The following CACNA2D4 variants were observed in gnomAD, a reference collection of about 807,000 sequenced individuals.
CACNA2D4 encodes the protein calcium voltage-gated channel auxiliary subunit alpha2delta 4.
CACNA2D4 carries 157 observed loss-of-function variants against 163.8 expected under a neutral mutation model. The ratio of observed to expected loss-of-function variants is 0.96; its 90% CI spans 0.84 to 1.09. The LOEUF (loss-of-function observed/expected upper bound fraction) is 1.09, where lower values mean the gene tolerates loss of function less well. Ranked by LOEUF, CACNA2D4 falls within the 50% of genes least tolerant of loss-of-function variation. CACNA2D4 has a pLI of 0.00. For missense variants in CACNA2D4, 1,410 were observed against 1,479.9 expected (o/e 0.95, Z 0.78); for synonymous variants, 598 against 586.9 (o/e 1.02, Z -0.27).
chr12:1,916,591 G>A (rs1866988266), intron 1 of CACNA2D4, among the ~76,000 whole-genome samples: 1 of 149,960 alleles, frequency 6.7e-6, no homozygotes, highest in South Asian at 2.1e-4. Context: ...AGGAGCACTT[G>A]AGGACAGCAG....
chr12:1,823,654 C>T (rs1184496535), intron 26 of CACNA2D4, among the ~76,000 whole-genome samples: 1 of 152,062 alleles, frequency 6.6e-6, no homozygotes, highest in African/African-American at 2.4e-5. Flanking sequence ...CTAGAAAGCC[C>T]CCCACCTTCC....
chr12:1,886,168 G>A, intron 8 of CACNA2D4, 55 bp downstream of exon 8: 1 of 1,593,930 alleles, frequency 6.3e-7, no homozygotes, highest in Non-Finnish European at 8.6e-7. Flanking sequence ...CTTGGTACCT[G>A]TGTATGATTT....
intron 26 of CACNA2D4, among the ~76,000 whole-genome samples, chr12:1,830,075 C>T (rs930060184): frequency 2.7e-4 from 41 of 152,370 alleles, no homozygotes; most frequent in Middle Eastern, 3.4e-3. Context: ...GACCAGGAAA[C>T]GAATTCTATT....
rs1458308005 is a variant in CACNA2D4, at chr12:1,834,762, G to C, written c.2551+5977C>G. ...CGGCCAGGTAGGAAGGGCGGGGAGA[G>C]CACACGGCATTGCTCAGCCACAGCT... is the stretch of plus-strand genomic sequence containing the variant. On this transcript the variant is annotated intron_variant, in intron 26 of 37. Coordinates refer to ENST00000382722, the MANE Select transcript of CACNA2D4 (RefSeq NM_172364.5). The surrounding 1 kb of genome is among the most constrained non-coding windows in gnomAD (Gnocchi z 7.6). 1.9e-6 allele frequency: 3 copies of C among 1,542,326 alleles called. No individual in the cohort carries two copies. Among genetic ancestry groups the C allele is most frequent in the African/African-American group, 2.7e-5 (2 of 73,534 alleles).
intron 6 of CACNA2D4, among the ~76,000 whole-genome samples, chr12:1,891,171 C>T (rs1043117241): frequency 1.3e-5 from 2 of 152,196 alleles, no homozygotes; most frequent in African/African-American, 4.8e-5. Flanking sequence ...GTACACCTCC[C>T]TGGGACCCAA....
rs369114604 is a variant in CACNA2D4 at position 1,854,063 on chromosome 12, G to A, written c.2153-19C>T. On this transcript the variant is annotated intron_variant, in intron 22 of 37. Coordinates refer to ENST00000382722, the MANE Select transcript of CACNA2D4 (RefSeq NM_172364.5). ...TCGTCACCTGGGTGCAAAACATCAGGGAACCAGGCCACATGCTTCCTCCAT... is the reference window on the plus strand; with the variant it reads ...TCGTCACCTGGGTGCAAAACATCAGAGAACCAGGCCACATGCTTCCTCCAT... 1.3e-5 allele frequency: 21 copies of A among 1,585,916 alleles called. No individual in the cohort carries two copies. The African/African-American group carries it at 2.4e-4, about 18-fold the overall frequency.
At position 1,844,863 on chromosome 12, in the gene CACNA2D4, G is replaced by T. The variant is rs1865109012; in HGVS notation, c.2343-334C>A. ...TGGCTCGTTGGCACGTCTGAGGGAG[G>T]AAGCTGTAGTCAGCTCTATCACTGC... is the stretch of plus-strand genomic sequence containing the variant. On this transcript the variant is annotated intron_variant, in intron 24 of 37. Coordinates refer to ENST00000382722, the MANE Select transcript of CACNA2D4 (RefSeq NM_172364.5). This position sits in a 1 kb window ranked among gnomAD's most constrained non-coding sequence, Gnocchi z 4.2. 6.6e-6 allele frequency among the ~76,000 whole-genome samples: 1 copy of T among 152,186 alleles called. No individual in the cohort carries two copies. The highest frequency in any genetic ancestry group is 2.4e-5 in the African/African-American group (1 of 41,436).
intron 23 of CACNA2D4, among the ~76,000 whole-genome samples, chr12:1,851,686 T>C (rs940450163): frequency 6.5e-5 from 8 of 122,208 alleles, no homozygotes; most frequent in African/African-American, 2.6e-4. Flanking sequence ...TGCGTTTTTT[T>C]TTTTTTTTTC....
rs113282300 is a variant in CACNA2D4 at position 1,907,671 on chromosome 12, T to C, written c.650-100A>G. The C allele has an allele frequency of 1.3e-4, 142 of 1,085,620 alleles. 2 individuals carry two copies. The highest frequency in any genetic ancestry group is 3.1e-5 in the East Asian group (1 of 32,332). 67.2% of individuals were successfully genotyped at this position (1,085,620 alleles called of 1,614,324 possible). On this transcript the variant is annotated intron_variant, in intron 5 of 37. Transcript: ENST00000382722. Reference sequence around the variant, plus strand: ...CTGGTGGGCGTGTCTGGTGGGCGTGTCTGGTAAGCGTGCCTGGTGGGTGTG... The same window carrying C: ...CTGGTGGGCGTGTCTGGTGGGCGTGCCTGGTAAGCGTGCCTGGTGGGTGTG...
chr12:1,825,843 C>CT (rs398116022), intron 26 of CACNA2D4, among the ~76,000 whole-genome samples: 12 of 152,072 alleles, frequency 7.9e-5, no homozygotes, highest in Admixed American at 2.0e-4. Context: ...AATCCAGTCC[C>CT]GGACTTACCA....
chr12:1,859,648 A>T (rs959640145), intron 19 of CACNA2D4, among the ~76,000 whole-genome samples: 13 of 152,202 alleles, frequency 8.5e-5, no homozygotes, highest in Admixed American at 7.2e-4. Flanking sequence ...TGTCACCCCC[A>T]TTTTACAGAT....
intron 37 of CACNA2D4, among the ~76,000 whole-genome samples, chr12:1,794,664 G>A (rs973808396): frequency 1.3e-5 from 2 of 152,158 alleles, no homozygotes; most frequent in African/African-American, 4.8e-5. Flanking sequence ...CAGGTCAGGC[G>A]GCTGAGTGGA....
intron 28 of CACNA2D4, 95 bp downstream of exon 28, chr12:1,810,448 G>A: frequency 6.6e-7 from 1 of 1,518,412 alleles, no homozygotes; most frequent in Non-Finnish European, 9.0e-7. Context: ...CTGCAGGGAA[G>A]GAGGGCATTT....
intron 6 of CACNA2D4, among the ~76,000 whole-genome samples, chr12:1,901,913 A>G (rs1179508234): frequency 6.6e-6 from 1 of 152,070 alleles, no homozygotes; most frequent in Non-Finnish European, 1.5e-5. Context: ...AACCAACCAA[A>G]CAAAAAACCT....
At position 1,793,736 on chromosome 12, in the gene CACNA2D4, G is replaced by A. The variant is rs888475177; in HGVS notation, c.3333C>T (p.Gly1111=). The A allele has an allele frequency of 1.1e-5, 18 of 1,613,018 alleles. No individual in the cohort carries two copies. Among genetic ancestry groups the A allele is most frequent in the East Asian group, 2.2e-5 (1 of 44,888 alleles). The change falls in exon 38 of 38, where the codon GGC becomes GGT. Residue 1111 remains glycine (G), a synonymous_variant. Coordinates refer to ENST00000382722, the MANE Select transcript of CACNA2D4 (RefSeq NM_172364.5). ...GCGGCGAGGCTGAGGTGTCCGAGGC[G>A]CCGCCGCAGTCCTGGGCATTCTCCT... ...HPEENAQDCG[G]ASDTSASPPL... is the part of the protein sequence containing the mutation.
chr12:1,907,880 T>C lies in CACNA2D4; in HGVS notation c.644A>G (p.Asn215Ser). 6.2e-7 allele frequency: 1 copy of C among 1,613,968 alleles called. No individual in the cohort carries two copies. The highest frequency in any genetic ancestry group is 8.5e-7 in the Non-Finnish European group (1 of 1,179,874). Residue 215 changes from asparagine (N) to serine (S), a missense_variant, in exon 5 of 38, where the codon AAC becomes AGC. Asn to Ser is a conservative substitution (Grantham distance 46). Transcript: ENST00000382722. ...GAGCTGAGCGTGCCGGCTACCTTTG[T>C]TGTACACGTTGGTGGGCAGCTGCAC... ...SSVQLPTNVYNKDPDILNGVY... is the reference protein window; with the variant it reads ...SSVQLPTNVYSKDPDILNGVY...
chr12:1,831,039 G>A (rs1864601656), intron 26 of CACNA2D4: 4 of 1,614,042 alleles, frequency 2.5e-6, no homozygotes, highest in Non-Finnish European at 3.4e-6. Flanking sequence ...CAGTGGCCTT[G>A]GCCTCACCAC....
intron 23 of CACNA2D4, among the ~76,000 whole-genome samples, chr12:1,848,603 A>G (rs1865205184): frequency 6.6e-6 from 1 of 152,182 alleles, no homozygotes; most frequent in East Asian, 1.9e-4. Context: ...CTTTTATAGA[A>G]GAGGCAGGAT....
At chr12:1,795,814 G>T (rs752479540) in intron 35 of CACNA2D4, 34 bp from the exon 36 acceptor site, 1 of 1,354,566 alleles carries the variant, frequency 7.4e-7, no homozygotes, top group Non-Finnish European at 1.1e-6. Context: ...GGATGGCTCC[G>T]TGGCGACCAC....
Sources: allele counts gnomAD v4.1 joint callset (sites outside exome capture counted in the v4.1 genomes callset), GRCh38; gene constraint gnomAD v4.1.1; non-coding constraint Gnocchi (gnomAD v3.1); transcripts MANE v1.5; gene names NCBI Gene and HGNC (gene_info 2026-07-23, HGNC 2026-07-21).